The following DPYD variants were observed in gnomAD, a reference collection of about 807,000 sequenced individuals.
DPYD encodes dihydropyrimidine dehydrogenase, also known as dihydropyrimidine dehydrogenase [NADP(+)].
Under a neutral mutation model 116.2 loss-of-function variants are expected in DPYD, and 109 were observed. The ratio of observed to expected loss-of-function variants is 0.94; its 90% CI spans 0.80 to 1.10. The LOEUF (loss-of-function observed/expected upper bound fraction) is 1.10. Among genes scored for constraint, DPYD ranks in the 50% least tolerant of loss-of-function variants. The pLI is 0.00. For missense variants in DPYD, 1,302 were observed against 1,254.5 expected (o/e 1.04, Z -0.57); for synonymous variants, 440 against 432.0 (o/e 1.02, Z -0.23).
intron 3 of DPYD, among the ~76,000 whole-genome samples, chr1:97,784,301 A>G (rs1014100201): frequency 1.3e-5 from 2 of 152,070 alleles, no homozygotes; most frequent in African/African-American, 4.8e-5. Context: ...TACAGTGTAA[A>G]TAAAACCAAT....
intron 12 of DPYD, among the ~76,000 whole-genome samples, chr1:97,531,452 A>G (rs1320711710): frequency 6.6e-6 from 1 of 152,166 alleles, no homozygotes; most frequent in African/African-American, 2.4e-5. Flanking sequence ...TGTACATGAC[A>G]TGGCTGTAGG....
chr1:97,165,527 C>T (rs1031344354), intron 20 of DPYD, among the ~76,000 whole-genome samples: 1 of 151,784 alleles, frequency 6.6e-6, no homozygotes, highest in African/African-American at 2.4e-5. Context: ...GATTTCATGA[C>T]GAAGCTTCCA....
intron 5 of DPYD, among the ~76,000 whole-genome samples, chr1:97,712,371 T>C (rs1387223900): frequency 6.6e-6 from 1 of 152,092 alleles, no homozygotes; most frequent in Non-Finnish European, 1.5e-5. Context: ...GAGATTGTCA[T>C]TATAGTGTAA....
chr1:97,865,403 T>C (rs1313294785), intron 2 of DPYD, among the ~76,000 whole-genome samples: 1 of 151,982 alleles, frequency 6.6e-6, no homozygotes, highest in South Asian at 2.1e-4. Flanking sequence ...TTTCAAAGAA[T>C]ATGGAATGTT....
chr1:97,738,827 A>G (rs1664103053), intron 4 of DPYD, among the ~76,000 whole-genome samples: 1 of 152,140 alleles, frequency 6.6e-6, no homozygotes, highest in Non-Finnish European at 1.5e-5. Flanking sequence ...TGAACAAATT[A>G]ATGAAACAGA....
At chr1:97,248,734 T>C (rs981998182) in intron 18 of DPYD, among the ~76,000 whole-genome samples, 1 of 152,162 alleles carries the variant, frequency 6.6e-6, no homozygotes, top group Non-Finnish European at 1.5e-5. Context: ...AAAAAACCTA[T>C]AGCTAAAATC....
chr1:97,712,171 C>T (rs1309950550), intron 5 of DPYD, among the ~76,000 whole-genome samples: 1 of 152,070 alleles, frequency 6.6e-6, no homozygotes, highest in Non-Finnish European at 1.5e-5. Context: ...ATCTCTGTCT[C>T]TCTACTTTAG....
chr1:97,244,624 T>C (rs903048720), intron 18 of DPYD, among the ~76,000 whole-genome samples: 4 of 152,060 alleles, frequency 2.6e-5, no homozygotes, highest in Non-Finnish European at 5.9e-5. Flanking sequence ...AGGAGAGTTT[T>C]ACAAGTTGAT....
intron 16 of DPYD, among the ~76,000 whole-genome samples, chr1:97,312,243 C>T (rs574855437): frequency 7.2e-5 from 11 of 151,740 alleles, no homozygotes; most frequent in East Asian, 1.9e-4. Context: ...CATGATTTGC[C>T]GAAAATGTAA....
intron 20 of DPYD, among the ~76,000 whole-genome samples, chr1:97,140,857 G>T (rs970379448): frequency 1.1e-4 from 16 of 152,120 alleles, no homozygotes; most frequent in Non-Finnish European, 1.8e-4. Flanking sequence ...GAGCTTAGTG[G>T]GTTTTAAGAG....
rs532693713 is a variant in DPYD at position 97,333,081 on chromosome 1, C to G, written c.2059-26784G>C. On this transcript the variant is annotated intron_variant, in intron 16 of 22. Coordinates refer to ENST00000370192, the MANE Select transcript of DPYD (RefSeq NM_000110.4). ...AATTCTTTTTTTTTTTTTTTTCAGA[C>G]AGAGTCTTGCTCTGCCACCAGGCTG... is the stretch of plus-strand genomic sequence containing the variant. Among the ~76,000 whole-genome samples, 186 of 128,490 alleles carry G rather than the reference C, an allele frequency of 1.4e-3. 1 individual carries two copies. The highest frequency in any genetic ancestry group is 5.6e-3 in the African/African-American group (177 of 31,486). The allele number at this position is 128,490 out of a possible 152,430, so 84.3% of individuals were successfully genotyped here. A position where few individuals can be genotyped will look rare whatever the true frequency, so the allele number is the denominator to read the frequency against.
intron 14 of DPYD, among the ~76,000 whole-genome samples, chr1:97,400,431 C>T (rs1323719297): frequency 1.3e-5 from 2 of 152,144 alleles, no homozygotes; most frequent in African/African-American, 4.8e-5. Flanking sequence ...GTGTCTCTGC[C>T]AGACTTTGGT....
chr1:97,299,548 G>C (rs1666738476), intron 18 of DPYD, among the ~76,000 whole-genome samples: 1 of 152,168 alleles, frequency 6.6e-6, no homozygotes, highest in South Asian at 2.1e-4. Flanking sequence ...AAATACCTAA[G>C]GAAAGGATGT....
chr1:97,376,738 T>A (rs1671639727), intron 15 of DPYD, among the ~76,000 whole-genome samples: 1 of 152,162 alleles, frequency 6.6e-6, no homozygotes, highest in African/African-American at 2.4e-5. Context: ...CCAGAGTTTA[T>A]TCCACCTCAC....
intron 14 of DPYD, among the ~76,000 whole-genome samples, chr1:97,416,451 G>A (rs1011784915): frequency 1.3e-5 from 2 of 152,152 alleles, no homozygotes; most frequent in African/African-American, 2.4e-5. Context: ...TTATCCATTA[G>A]ATATCAAATG....
chr1:97,564,811 T>C (rs1652402037), intron 11 of DPYD, among the ~76,000 whole-genome samples: 1 of 152,148 alleles, frequency 6.6e-6, no homozygotes, highest in Non-Finnish European at 1.5e-5. Context: ...CGGTAACTAC[T>C]GAAAAAATTA....
intron 18 of DPYD, among the ~76,000 whole-genome samples, chr1:97,243,454 A>G (rs562574928): frequency 9.6e-4 from 146 of 152,016 alleles, no homozygotes; most frequent in African/African-American, 3.2e-3. Context: ...AGCAGGGATA[A>G]ATGCCACATC....
At chr1:97,775,072 ATAT>A (rs1666326718) in intron 3 of DPYD, 2 of 171,956 alleles carry the variant, frequency 1.2e-5, no homozygotes, top group African/African-American at 4.8e-5. Flanking sequence ...TGCCAGACTC[ATAT>A]TATTATCTAC....
intron 20 of DPYD, among the ~76,000 whole-genome samples, chr1:97,111,787 A>C (rs568855690): frequency 2.0e-4 from 30 of 152,228 alleles, no homozygotes; most frequent in African/African-American, 7.0e-4. Flanking sequence ...GAATGAATGA[A>C]GGTACTGGGT....
Sources: gnomAD v4.1 joint callset for allele counts (sites outside exome capture counted in the v4.1 genomes callset) on GRCh38, gnomAD v4.1.1 for gene constraint, MANE v1.5 for transcripts, NCBI Gene and HGNC (gene_info 2026-07-23, HGNC 2026-07-21) for gene names.